Variants in SHROOM2 observed in about 807,000 individuals in gnomAD.
The protein encoded by SHROOM2 is shroom family member 2, also known as protein Shroom2.
Under a neutral mutation model 75.9 loss-of-function variants are expected in SHROOM2, and 33 were observed. That is an observed-to-expected ratio of 0.43 (90% CI 0.33 to 0.58). The LOEUF (loss-of-function observed/expected upper bound fraction) is 0.58, where lower values mean the gene tolerates loss of function less well. Among genes scored for constraint, SHROOM2 ranks in the 20% least tolerant of loss-of-function variants. The probability of loss-of-function intolerance (pLI) is 0.04; values close to 1 mark genes in which losing one functional copy is unlikely to be tolerated. For synonymous variants in SHROOM2, 655 were observed against 663.6 expected (o/e 0.99, Z 0.20); for missense variants, 1,434 against 1,461.2 (o/e 0.98, Z 0.30).
intron 3 of SHROOM2, among the ~76,000 whole-genome samples, chrX:9,891,681 T>G (rs774456470): frequency 1.4e-4 from 16 of 110,358 alleles, no homozygotes; most frequent in African/African-American, 3.3e-4. Flanking sequence ...TGTGAGTGTG[T>G]GGGGGGGTGT....
chrX:9,924,953 G>A (rs1045433543), intron 5 of SHROOM2, among the ~76,000 whole-genome samples: 8 of 111,660 alleles, frequency 7.2e-5, no homozygotes, highest in Non-Finnish European at 1.3e-4. Context: ...ACTGTGCTCA[G>A]CCTGGTAAAT....
At chrX:9,914,317 G>C (rs1410464052) in intron 5 of SHROOM2, among the ~76,000 whole-genome samples, 1 of 109,555 alleles carries the variant, frequency 9.1e-6, no homozygotes, top group East Asian at 2.9e-4. Context: ...GCATGGGCTG[G>C]CTGCTCTTCC....
chrX:9,888,037 T>C (rs1328383038), intron 2 of SHROOM2, among the ~76,000 whole-genome samples: 1 of 113,268 alleles, frequency 8.8e-6, no homozygotes, highest in Non-Finnish European at 1.9e-5. Context: ...GATAAGTGAC[T>C]TCCCTCCTCC....
chrX:9,795,608 T>C (rs762806313), intron 1 of SHROOM2, among the ~76,000 whole-genome samples: 1 of 111,649 alleles, frequency 9.0e-6, no homozygotes, highest in South Asian at 3.7e-4. Context: ...CTAGTGCTCC[T>C]TGGCCGTCTG....
intron 6 of SHROOM2, among the ~76,000 whole-genome samples, chrX:9,934,580 G>T (rs1420102993): frequency 9.0e-6 from 1 of 111,315 alleles, no homozygotes; most frequent in Non-Finnish European, 1.9e-5. Context: ...AAATGTGTGA[G>T]TTGATGAGGG....
chrX:9,900,204 G>T (rs994524329), intron 5 of SHROOM2, among the ~76,000 whole-genome samples: 2 of 107,017 alleles, frequency 1.9e-5, no homozygotes, highest in Admixed American at 1.0e-4. Context: ...GTTGGGTGCG[G>T]TTTTTTTTTT....
chrX:9,937,203 C>A lies in SHROOM2; in HGVS notation c.3657C>A (p.Ser1219Arg), dbSNP rs184423737. The change falls in exon 7 of 10, where the codon AGC becomes AGA. Residue 1219 changes from serine to arginine, a missense_variant. This residue lies in a region of SHROOM2 where 1,340 missense variants were observed against 1,338.3 expected (regional missense o/e 1.00). Coordinates refer to ENST00000380913, the MANE Select transcript of SHROOM2 (RefSeq NM_001649.4). ...MVPIKIVHSE[S>R]QPEKESRQSL... ...CCATCAAGATCGTGCACTCGGAGAGCCAGCCAGAGAAGGAGAGCCGCCAGA... is the reference window on the plus strand; with the variant it reads ...CCATCAAGATCGTGCACTCGGAGAGACAGCCAGAGAAGGAGAGCCGCCAGA... 9.5e-5 allele frequency: 114 copies of A among 1,203,851 alleles called. No individual in the cohort carries two copies. The East Asian group carries it at 3.1e-3, about 32-fold the overall frequency.
chrX:9,932,032 C>T (rs959176450), intron 5 of SHROOM2, 143 bp from the exon 6 acceptor site: 7 of 452,520 alleles, frequency 1.5e-5, no homozygotes, highest in African/African-American at 2.5e-5. Context: ...TGAGGAGTTG[C>T]GGTGGCGACA....
At chrX:9,902,572 T>C (rs1250877787) in intron 5 of SHROOM2, among the ~76,000 whole-genome samples, 1 of 112,817 alleles carries the variant, frequency 8.9e-6, no homozygotes. Flanking sequence ...AAATGGCCTT[T>C]ATTTATCCTT....
intron 1 of SHROOM2, among the ~76,000 whole-genome samples, chrX:9,831,001 G>A (rs1214206010): frequency 2.7e-5 from 3 of 112,267 alleles, no homozygotes; most frequent in African/African-American, 9.7e-5. Flanking sequence ...GGCAGAAGGC[G>A]AGAGAAGTCA....
chrX:9,875,407 A>AG (rs2084195364), intron 2 of SHROOM2, among the ~76,000 whole-genome samples: 1 of 111,057 alleles, frequency 9.0e-6, no homozygotes, highest in Non-Finnish European at 1.9e-5. Flanking sequence ...TGCAGAGGTA[A>AG]GACGAGGAGT....
intron 5 of SHROOM2, among the ~76,000 whole-genome samples, chrX:9,904,255 C>T (rs2084379715): frequency 8.9e-6 from 1 of 111,755 alleles, no homozygotes; most frequent in Non-Finnish European, 1.9e-5. Context: ...CACAGTGGCA[C>T]GTGTCTCTAA....
At position 9,937,188 on chromosome X, in the gene SHROOM2, C is replaced by T. The variant is rs1014291657; in HGVS notation, c.3642C>T (p.Ile1214=). 2 of 1,203,477 alleles carry T rather than the reference C, an allele frequency of 1.7e-6. No individual in the cohort carries two copies. The highest frequency in any genetic ancestry group is 2.2e-6 in the Non-Finnish European group (2 of 891,422). Residue 1214 remains isoleucine, a synonymous_variant, in exon 7 of 10, where the codon ATC becomes ATT. Coordinates refer to ENST00000380913, the MANE Select transcript of SHROOM2 (RefSeq NM_001649.4). ...NTTVKMVPIK[I]VHSESQPEKE... is the part of the protein sequence containing the mutation. ...CGGTGAAGATGGTGCCCATCAAGATCGTGCACTCGGAGAGCCAGCCAGAGA... is the reference window on the plus strand; with the variant it reads ...CGGTGAAGATGGTGCCCATCAAGATTGTGCACTCGGAGAGCCAGCCAGAGA...
chrX:9,947,460 A>AATC lies in SHROOM2; in HGVS notation c.*532_*534dup. 1 of 113,959 alleles carries AATC rather than the reference A, an allele frequency of 8.8e-6. No individual in the cohort carries two copies. Among genetic ancestry groups the AATC allele is most frequent in the Middle Eastern group, 4.5e-3 (1 of 223 alleles). 9.4% of individuals were successfully genotyped at this position (113,959 alleles called of 1,213,427 possible). On this transcript the variant is annotated 3_prime_UTR_variant, in exon 10 of 10. Coordinates refer to ENST00000380913, the MANE Select transcript of SHROOM2 (RefSeq NM_001649.4). Reference sequence around the variant, plus strand: ...TAATGATGTTCTCTGACCCAGCAGAAATCATCATCATGATGATGATAATTT... The same window carrying AATC: ...TAATGATGTTCTCTGACCCAGCAGAAATCATCATCATCATGATGATGATAATTT...
At chrX:9,823,909 C>T (rs1383045705) in intron 1 of SHROOM2, among the ~76,000 whole-genome samples, 4 of 109,123 alleles carry the variant, frequency 3.7e-5, no homozygotes, top group African/African-American at 1.3e-4. Context: ...TAGGCATGTA[C>T]TACCAAGCCC....
chrX:9,847,969 A>G (rs1198589541), intron 1 of SHROOM2, among the ~76,000 whole-genome samples: 2 of 111,935 alleles, frequency 1.8e-5, no homozygotes, highest in East Asian at 5.6e-4. Flanking sequence ...ATGGAGAAAT[A>G]GATTATGGAT....
At chrX:9,940,418 G>A (rs1403085977) in intron 8 of SHROOM2, among the ~76,000 whole-genome samples, 1 of 111,790 alleles carries the variant, frequency 8.9e-6, no homozygotes, top group Non-Finnish European at 1.9e-5. Flanking sequence ...GGGGCACTCT[G>A]TCCACCTGCT....
At chrX:9,864,135 T>C (rs563443415) in intron 1 of SHROOM2, among the ~76,000 whole-genome samples, 23 of 111,313 alleles carry the variant, frequency 2.1e-4, no homozygotes, top group Middle Eastern at 4.6e-3. Context: ...ACTTGCTGCC[T>C]TGCTGGATGG....
At position 9,848,276 on chromosome X, in the gene SHROOM2, G is replaced by A. The variant is rs1479660903; in HGVS notation, c.166-25376G>A. Among the ~76,000 whole-genome samples the A allele has an allele frequency of 8.4e-5, 9 of 107,430 alleles. No homozygotes were observed. The East Asian group carries it at 1.2e-3, about 14-fold the overall frequency. The allele number at this position is 107,430 out of a possible 115,157, so 93.3% of individuals were successfully genotyped here. ...TCCCAGCACTTTGGGAGGCCGAGGC[G>A]GGTGGATCATGAGGTCAGGAGATCG... On this transcript the variant is annotated intron_variant, in intron 1 of 9. Coordinates refer to ENST00000380913, the MANE Select transcript of SHROOM2 (RefSeq NM_001649.4).
Sources: gnomAD v4.1 joint callset for allele counts (sites outside exome capture counted in the v4.1 genomes callset) on GRCh38, gnomAD v4.1.1 for gene constraint, gnomAD v4.1.1 regional missense constraint, MANE v1.5 for transcripts, NCBI Gene and HGNC (gene_info 2026-07-23, HGNC 2026-07-21) for gene names.